Variants in CBR4 observed in about 807,000 individuals in gnomAD.
CBR4 encodes carbonyl reductase 4.
Under a neutral mutation model 21.0 loss-of-function variants are expected in CBR4, and 22 were observed. The observed-to-expected ratio is 1.05, with a 90% CI of 0.75 to 1.50. The LOEUF (loss-of-function observed/expected upper bound fraction) is 1.50, where lower values mean the gene tolerates loss of function less well. Ranked by LOEUF, CBR4 falls within the 40% of genes most tolerant of loss-of-function variation. The pLI, the probability that CBR4 is intolerant of heterozygous loss-of-function variation, is 0.00. For synonymous variants in CBR4, 100 were observed against 104.4 expected, an observed-to-expected ratio of 0.96 and a Z score of 0.26; for missense variants, 302 against 286.3, an observed-to-expected ratio of 1.05 and a Z score of -0.40.
At chr4:168,959,014 A>G (rs1763767295) in intron 2 of CBR4, among the ~76,000 whole-genome samples, 1 of 152,100 alleles carries the variant, frequency 6.6e-6, no homozygotes, top group Non-Finnish European at 1.5e-5. Flanking sequence ...TCTTAATGAT[A>G]TCTTCCAAAG....
rs998199679 is a variant in CBR4 at position 168,989,796 on chromosome 4, G to T, written c.*354C>A. On this transcript the variant is annotated 3_prime_UTR_variant, in exon 5 of 5. Transcript: ENST00000306193. ...GTCTATGAGGTAACCAAAGGTAAGT[G>T]ATACACATCCTTTAGAAAACACAAT... 2.0e-6 allele frequency: 2 copies of T among 998,770 alleles called. No individual in the cohort carries two copies. Among genetic ancestry groups the T allele is most frequent in the Non-Finnish European group, 2.4e-6 (2 of 839,080 alleles). 61.9% of individuals were successfully genotyped at this position (998,770 alleles called of 1,614,324 possible). A position where few individuals can be genotyped will look rare whatever the true frequency, so the allele number is the denominator to read the frequency against.
At chr4:168,930,756 G>A (rs944523007) in intron 2 of CBR4, among the ~76,000 whole-genome samples, 11 of 152,264 alleles carry the variant, frequency 7.2e-5, no homozygotes, top group Admixed American at 2.0e-4. Context: ...GTCAAGAGGA[G>A]AAACTTTCCT....
At chr4:168,900,092 T>C (rs949364440) in intron 2 of CBR4, among the ~76,000 whole-genome samples, 4 of 151,992 alleles carry the variant, frequency 2.6e-5, no homozygotes, top group African/African-American at 7.2e-5. Flanking sequence ...CAGAGAGAAG[T>C]GGTGGAGGTC....
chr4:168,898,327 C>T (rs1212847568), intron 2 of CBR4: 2 of 657,074 alleles, frequency 3.0e-6, no homozygotes, highest in African/African-American at 3.6e-5. Context: ...AAACTCACTT[C>T]CAGATGTTTT....
intron 1 of CBR4, 99 bp downstream of exon 1, chr4:169,009,849 A>C (rs967653968): frequency 1.1e-5 from 13 of 1,153,176 alleles, no homozygotes; most frequent in Non-Finnish European, 1.1e-5. Context: ...GAGTAACCCT[A>C]GAGCCCTAAA....
chr4:168,915,167 C>G (rs1054412528), intron 2 of CBR4, among the ~76,000 whole-genome samples: 2 of 152,140 alleles, frequency 1.3e-5, no homozygotes, highest in African/African-American at 4.8e-5. Flanking sequence ...TAGTATGCTT[C>G]TTTCATTTGT....
chr4:168,935,507 C>T (rs1763085272), intron 2 of CBR4, among the ~76,000 whole-genome samples: 1 of 152,130 alleles, frequency 6.6e-6, no homozygotes, highest in Non-Finnish European at 1.5e-5. Context: ...AGCTAAGATC[C>T]ACTGGCTTGA....
chr4:168,966,452 G>C (rs1307706412), intron 2 of CBR4, among the ~76,000 whole-genome samples: 10 of 151,518 alleles, frequency 6.6e-5, no homozygotes, highest in Non-Finnish European at 1.5e-4. Context: ...GTGTGAACCC[G>C]GGAGGTGGAG....
At chr4:168,993,348 C>A (rs1288484178) in intron 4 of CBR4, among the ~76,000 whole-genome samples, 1 of 151,956 alleles carries the variant, frequency 6.6e-6, no homozygotes, top group Non-Finnish European at 1.5e-5. Flanking sequence ...GTAGCTGGGA[C>A]TACAGGCACA....
At chr4:168,925,066 C>G in intron 2 of CBR4, 1 of 1,614,060 alleles carries the variant, frequency 6.2e-7, no homozygotes. Context: ...TACTGCCAGG[C>G]TGGACGTTTA....
downstream of CBR4, among the ~76,000 whole-genome samples, chr4:168,986,570 ACCT>A (rs1353293922): frequency 2.0e-5 from 3 of 151,992 alleles, no homozygotes; most frequent in African/African-American, 7.3e-5. Flanking sequence ...TCACCATTCT[ACCT>A]CCTATTACTA....
intron 2 of CBR4, among the ~76,000 whole-genome samples, chr4:168,956,461 G>A (rs550414452): frequency 2.6e-5 from 4 of 151,872 alleles, no homozygotes; most frequent in African/African-American, 4.8e-5. Flanking sequence ...AGTTACGCAC[G>A]GTGGCGTGTG....
intron 1 of CBR4, among the ~76,000 whole-genome samples, chr4:169,008,383 CA>C (rs555941885): frequency 6.7e-6 from 1 of 149,972 alleles, no homozygotes; most frequent in African/African-American, 2.4e-5. Context: ...GGTTAAATGC[CA>C]AAAAAAAACT....
At chr4:168,925,904 G>A (rs1762494679) in intron 2 of CBR4, among the ~76,000 whole-genome samples, 1 of 152,046 alleles carries the variant, frequency 6.6e-6, no homozygotes, top group African/African-American at 2.4e-5. Context: ...GGAGAGGGGG[G>A]ATGAGAATTA....
chr4:168,940,137 A>G (rs979087336), intron 2 of CBR4, among the ~76,000 whole-genome samples: 2 of 152,226 alleles, frequency 1.3e-5, no homozygotes, highest in East Asian at 1.9e-4. Context: ...ATAACACCAC[A>G]TATCTATAAC....
intron 2 of CBR4, among the ~76,000 whole-genome samples, chr4:168,939,999 A>G (rs954078579): frequency 4.6e-5 from 7 of 152,230 alleles, no homozygotes; most frequent in African/African-American, 1.7e-4. Flanking sequence ...CTAAGCAAAA[A>G]GAATAAAGCT....
chr4:168,925,260 C>A (rs1321039915), intron 2 of CBR4: 12 of 1,607,066 alleles, frequency 7.5e-6, no homozygotes, highest in Non-Finnish European at 1.0e-5. Context: ...TGAACCACAC[C>A]AGGAGAACAA....
Position 168,916,162 on chromosome 4 carries a change from C to G in CBR4, n.170-21397G>C, listed in dbSNP as rs1760042741. The G allele has an allele frequency of 1.0e-5, 9 of 895,402 alleles. No individual in the cohort carries two copies. In the Middle Eastern group the frequency reaches 1.3e-3, roughly 131 times the overall value. 55.5% of individuals were successfully genotyped at this position (895,402 alleles called of 1,614,324 possible). ...GCACAGTGGCTCACACCTATAATCC[C>G]AGCACTTTAGAGTCCAAAGCCGGGC... On this transcript the variant is annotated intron_variant and non_coding_transcript_variant, in intron 2 of 3. Coordinates refer to the CBR4 transcript ENST00000509108.
intron 4 of CBR4, among the ~76,000 whole-genome samples, chr4:168,990,785 G>T (rs1764880373): frequency 6.6e-6 from 1 of 150,704 alleles, no homozygotes; most frequent in Non-Finnish European, 1.5e-5. Flanking sequence ...AGGTGCAGTG[G>T]CTCATGACTG....
Sources: gnomAD v4.1 joint callset for allele counts (sites outside exome capture counted in the v4.1 genomes callset) on GRCh38, gnomAD v4.1.1 for gene constraint, MANE v1.5 for transcripts, NCBI Gene and HGNC (gene_info 2026-07-23, HGNC 2026-07-21) for gene names.